WSCD2: variants seen among roughly 807,000 people sequenced by gnomAD.
WSCD2 encodes the protein sialate:O-sulfotransferase 2.
WSCD2 carries 28 observed loss-of-function variants against 55.7 expected under a neutral mutation model. The observed-to-expected ratio is 0.50, with a 90% CI of 0.37 to 0.69. The LOEUF is 0.69. Ranked by LOEUF, WSCD2 falls within the 30% of genes least tolerant of loss-of-function variation. WSCD2 has a pLI of 0.00. For synonymous variants in WSCD2, 301 were observed against 301.9 expected (o/e 1.00, Z 0.03); for missense variants, 616 against 762.1 (o/e 0.81, Z 2.26).
At chr12:108,206,227 T>G in intron 2 of WSCD2, 62 bp from the exon 3 acceptor site, 1 of 1,410,632 alleles carries the variant, frequency 7.1e-7, no homozygotes, top group East Asian at 2.3e-5. Flanking sequence ...TTGGTGAGGC[T>G]TCCTCCTGTA....
In WSCD2 at chr12:108,250,389, A is replaced by G. The variant is rs1318636836; in HGVS notation, c.*2046A>G. The stretch of plus-strand genomic sequence containing the variant: ...AGAATTACGTGCCTCTGTGTGTAAA[A>G]TTGCCTTTGTGTTCTCCTGCCTTTC... On this transcript the variant is annotated 3_prime_UTR_variant, in exon 9 of 9. Coordinates refer to ENST00000547525, the MANE Select transcript of WSCD2 (RefSeq NM_014653.4). 6.6e-6 allele frequency: 1 copy of G among 152,160 alleles called. No homozygotes were observed. The highest frequency in any genetic ancestry group is 1.5e-5 in the Non-Finnish European group (1 of 68,074). The allele number at this position is 152,160 out of a possible 1,614,324, so 9.4% of individuals were successfully genotyped here.
At chr12:108,131,556 A>G (rs969766015) in intron 1 of WSCD2, among the ~76,000 whole-genome samples, 1 of 152,156 alleles carries the variant, frequency 6.6e-6, no homozygotes, top group African/African-American at 2.4e-5. Flanking sequence ...TGCTGAGTGT[A>G]GAGTTTAGCA....
intron 4 of WSCD2, among the ~76,000 whole-genome samples, chr12:108,222,225 C>T (rs865851359): frequency 2.0e-5 from 3 of 152,156 alleles, no homozygotes; most frequent in African/African-American, 4.8e-5. Context: ...ACCCAGACAC[C>T]GCTACAGAGA....
chr12:108,238,211 T>C (rs1593117168), intron 7 of WSCD2, among the ~76,000 whole-genome samples: 1 of 152,350 alleles, frequency 6.6e-6, no homozygotes. Context: ...ATTTTTTCCA[T>C]GACACTGTGC....
intron 7 of WSCD2, among the ~76,000 whole-genome samples, chr12:108,238,020 G>T (rs1889405787): frequency 6.6e-6 from 1 of 152,234 alleles, no homozygotes; most frequent in Non-Finnish European, 1.5e-5. Context: ...TAGTGAAATA[G>T]ATTTTGGTAA....
chr12:108,196,851 T>C (rs1188776620), intron 2 of WSCD2: 1 of 152,336 alleles, frequency 6.6e-6, no homozygotes, highest in Admixed American at 6.5e-5. Flanking sequence ...CATTACCTTA[T>C]TTGATTTTCA....
chr12:108,232,124 C>T (rs866282279), intron 6 of WSCD2, among the ~76,000 whole-genome samples: 2 of 152,126 alleles, frequency 1.3e-5, no homozygotes, highest in Non-Finnish European at 2.9e-5. Flanking sequence ...TTAGAATGAG[C>T]CTGTGAGTTT....
In WSCD2 at chr12:108,224,833, C is replaced by A; in HGVS notation, c.777C>A (p.Asp259Glu). Residue 259 changes from aspartate (D) to glutamate (E), a missense_variant, in exon 5 of 9, where the codon GAC becomes GAA. This residue lies in a region of WSCD2 where 374 missense variants were observed against 467.4 expected (regional missense o/e 0.80). Transcript: ENST00000547525. ...CTGCCATGCTGAACATGTCTGTGGA[C>A]AAATGCGTGGACTTCTGCACTGAGA... ...VTAAMLNMSVDKCVDFCTEKE... is the reference protein window; with the variant it reads ...VTAAMLNMSVEKCVDFCTEKE... 1 of 1,613,678 alleles carries A rather than the reference C, an allele frequency of 6.2e-7. No individual in the cohort carries two copies. The highest frequency in any genetic ancestry group is 8.5e-7 in the Non-Finnish European group (1 of 1,180,042).
intron 2 of WSCD2, among the ~76,000 whole-genome samples, chr12:108,198,996 A>T (rs1884317341): frequency 6.6e-6 from 1 of 152,146 alleles, no homozygotes; most frequent in African/African-American, 2.4e-5. Flanking sequence ...TGCCACCTGC[A>T]CCCCCACCAT....
chr12:108,192,817 C>G (rs184672302), intron 1 of WSCD2, among the ~76,000 whole-genome samples: 2 of 152,256 alleles, frequency 1.3e-5, no homozygotes, highest in East Asian at 3.9e-4. Context: ...TATGGTTCCC[C>G]CAGGCAGTTG....
intron 1 of WSCD2, among the ~76,000 whole-genome samples, chr12:108,150,169 G>A (rs980254498): frequency 6.6e-6 from 1 of 152,168 alleles, no homozygotes; most frequent in Non-Finnish European, 1.5e-5. Flanking sequence ...CTGAGGCTCT[G>A]AGAGGTGCGG....
At chr12:108,227,196 A>G (rs773138174) in intron 6 of WSCD2, 32 bp downstream of exon 6, 1 of 1,594,372 alleles carries the variant, frequency 6.3e-7, no homozygotes, top group East Asian at 2.2e-5. Flanking sequence ...TGGACCCCAG[A>G]TGCACTCCCA....
intron 7 of WSCD2, among the ~76,000 whole-genome samples, chr12:108,236,858 C>G (rs1037932389): frequency 6.6e-6 from 1 of 152,186 alleles, no homozygotes; most frequent in Non-Finnish European, 1.5e-5. Context: ...CTTCATCCCC[C>G]CTCTCCCTGC....
intron 7 of WSCD2, among the ~76,000 whole-genome samples, chr12:108,238,470 A>G (rs1280466838): frequency 1.3e-5 from 2 of 152,324 alleles, no homozygotes; most frequent in Middle Eastern, 3.4e-3. Flanking sequence ...CATCCATCTT[A>G]AAAGCCAGAG....
In WSCD2 at chr12:108,150,858, A is replaced by G. The variant is rs902444767; in HGVS notation, c.-552+20932A>G. 2.6e-5 allele frequency among the ~76,000 whole-genome samples: 4 copies of G among 152,130 alleles called. No homozygotes were observed. The East Asian group carries it at 5.8e-4, about 22-fold the overall frequency. ...GCAGACCTCTGCGAGAAGCTCTGGA[A>G]AAAAGGCCCCTTGTTGGAGCCTTCA... On this transcript the variant is annotated intron_variant, in intron 1 of 8. Coordinates refer to ENST00000547525, the MANE Select transcript of WSCD2 (RefSeq NM_014653.4).
rs779645145 is a variant in WSCD2, at chr12:108,196,201, G to C, written c.369G>C (p.Lys123Asn). The part of the protein sequence containing the change: ...RALKGRVVRE[K>N]EEERAKYIGC... ...TCAAGGGGAGGGTTGTCCGGGAGAA[G>C]GAGGAAGAGCGAGGTAAGAGCGAGG... The change falls in exon 2 of 9, where the codon AAG (lysine) becomes AAC (asparagine). Residue 123 changes from lysine to asparagine, a missense_variant. Lys to Asn is a moderately conservative substitution (Grantham distance 94). This residue lies in a region of WSCD2 where 374 missense variants were observed against 467.4 expected (regional missense o/e 0.80). Coordinates refer to ENST00000547525, the MANE Select transcript of WSCD2 (RefSeq NM_014653.4). 1 of 1,613,360 alleles carries C rather than the reference G, an allele frequency of 6.2e-7. No homozygotes were observed. Among genetic ancestry groups the C allele is most frequent in the Non-Finnish European group, 8.5e-7 (1 of 1,179,684 alleles).
At chr12:108,155,430 A>G (rs1362746089) in intron 1 of WSCD2, among the ~76,000 whole-genome samples, 2 of 152,156 alleles carry the variant, frequency 1.3e-5, no homozygotes, top group Non-Finnish European at 2.9e-5. Flanking sequence ...TAGAATAAGG[A>G]CACGTTATAT....
At position 108,196,512 on chromosome 12, in the gene WSCD2, T is replaced by A. The variant is rs995970250; in HGVS notation, c.382+298T>A. 3.9e-5 allele frequency: 13 copies of A among 335,960 alleles called. No individual in the cohort carries two copies. In the East Asian group the frequency reaches 7.4e-4, roughly 19 times the overall value. 20.8% of individuals were successfully genotyped at this position (335,960 alleles called of 1,614,324 possible). ...CCCTGTAGCCTTTTACAGTCCTTGT[T>A]AAATATACATGAAAATAAAACAGTC... On this transcript the variant is annotated intron_variant, in intron 2 of 8. Transcript: ENST00000547525.
intron 7 of WSCD2, among the ~76,000 whole-genome samples, chr12:108,239,099 A>G (rs1889501072): frequency 1.3e-5 from 2 of 152,126 alleles, no homozygotes; most frequent in African/African-American, 2.4e-5. Flanking sequence ...AGGGTTCTCC[A>G]GTCTTTCTGG....
Sources: gnomAD v4.1 joint callset for allele counts (sites outside exome capture counted in the v4.1 genomes callset) on GRCh38, gnomAD v4.1.1 for gene constraint, gnomAD v4.1.1 regional missense constraint, MANE v1.5 for transcripts, NCBI Gene and HGNC (gene_info 2026-07-23, HGNC 2026-07-21) for gene names.